PRR14L: variants seen among roughly 807,000 people sequenced by gnomAD.
The protein encoded by PRR14L is proline rich 14 like.
Under a neutral mutation model 155.0 loss-of-function variants are expected in PRR14L, and 80 were observed. The observed-to-expected ratio is 0.52, with a 90% CI of 0.43 to 0.62. The LOEUF is 0.62. Among genes scored for constraint, PRR14L ranks in the 20% least tolerant of loss-of-function variants. The pLI is 0.00. For synonymous variants in PRR14L, 883 were observed against 916.0 expected (o/e 0.96, Z 0.65); for missense variants, 2,469 against 2,548.0 (o/e 0.97, Z 0.67).
At chr22:31,727,021 G>T (rs929186992) in intron 2 of PRR14L, among the ~76,000 whole-genome samples, 2 of 152,108 alleles carry the variant, frequency 1.3e-5, no homozygotes, top group Non-Finnish European at 1.5e-5. Flanking sequence ...GACAGCACAG[G>T]CCAGTGACAT....
chr22:31,737,031 C>CAAAAAA (rs10589286), intron 2 of PRR14L, among the ~76,000 whole-genome samples: 3 of 49,840 alleles, frequency 6.0e-5, no homozygotes, highest in African/African-American at 2.5e-4. Flanking sequence ...GTGAGAGACT[C>CAAAAAA]AAAAAAAAAA....
intron 2 of PRR14L, among the ~76,000 whole-genome samples, chr22:31,728,140 G>C (rs2074727907): frequency 6.6e-6 from 1 of 152,050 alleles, no homozygotes; most frequent in Admixed American, 6.6e-5. Flanking sequence ...TATGGATGAG[G>C]GCAACAGAAC....
intron 1 of PRR14L, among the ~76,000 whole-genome samples, chr22:31,740,806 T>C (rs1179942725): frequency 6.6e-6 from 1 of 152,154 alleles, no homozygotes; most frequent in African/African-American, 2.4e-5. Flanking sequence ...TGCTGTTCCA[T>C]GATGTTTAGG....
At chr22:31,699,251 T>G (rs915467771) in intron 7 of PRR14L, among the ~76,000 whole-genome samples, 2 of 152,174 alleles carry the variant, frequency 1.3e-5, no homozygotes, top group African/African-American at 4.8e-5. Flanking sequence ...TTGGCCAGGC[T>G]GGTCTCAAAC....
chr22:31,731,943 C>A (rs2074752509), intron 2 of PRR14L, among the ~76,000 whole-genome samples: 1 of 152,140 alleles, frequency 6.6e-6, no homozygotes. Flanking sequence ...GCTTTGGGCC[C>A]ATCTCACATC....
At position 31,714,644 on chromosome 22, in the gene PRR14L, T is replaced by A. The variant is rs1470424527; in HGVS notation, c.3195A>T (p.Ala1065=). The A allele has an allele frequency of 6.4e-7, 1 of 1,552,184 alleles. No homozygotes were observed. Among genetic ancestry groups the A allele is most frequent in the Admixed American group, 2.0e-5 (1 of 51,010 alleles). ...IVYTDCSNKL[A]EGVLDVKASN... ...ATGCCTTCACGTCCAGCACACCTTCTGCAAGCTTATTACTACAGTCCGTGT... is the reference window on the plus strand; with the variant it reads ...ATGCCTTCACGTCCAGCACACCTTCAGCAAGCTTATTACTACAGTCCGTGT... Residue 1065 remains alanine, a synonymous_variant, in exon 4 of 9, where the codon GCA becomes GCT. Transcript: ENST00000327423.
chr22:31,701,894 A>C, intron 6 of PRR14L, 132 bp from the exon 7 acceptor site: 1 of 640,400 alleles, frequency 1.6e-6, no homozygotes. Context: ...TGCAGCCTTG[A>C]ATTCCTGGAC....
In PRR14L at chr22:31,716,029, C is replaced by G. The variant is rs2074657169; in HGVS notation, c.1810G>C (p.Asp604His). The G allele has an allele frequency of 3.9e-6, 6 of 1,550,694 alleles. No individual in the cohort carries two copies. The highest frequency in any genetic ancestry group is 1.2e-5 in the South Asian group (1 of 84,036). The change falls in exon 4 of 9, where the codon GAT (aspartate) becomes CAT (histidine). Residue 604 changes from aspartate (D) to histidine (H), a missense_variant. Around this residue, in one of 2 missense-constraint regions of PRR14L, gnomAD observed 2,363 missense variants for 2,371.6 expected, o/e 1.00. Transcript: ENST00000327423. ...ACTTTTTCTGACTCAGGTCTGTAAT[C>G]AAATTCTGGGGATGGTAGCAACAGA... is the stretch of plus-strand genomic sequence containing the variant. ...TALLLPSPEFDYRPESEKVIQ... is the reference protein window; with the variant it reads ...TALLLPSPEFHYRPESEKVIQ...
intron 5 of PRR14L, 45 bp downstream of exon 5, chr22:31,704,610 C>T: frequency 6.6e-7 from 1 of 1,524,524 alleles, no homozygotes. Context: ...CTCTTGCACA[C>T]ACACACGCAC....
In PRR14L at chr22:31,713,948, T is replaced by A. The variant is rs2074638865; in HGVS notation, c.3891A>T (p.Arg1297Ser). Residue 1297 changes from arginine (R) to serine (S), a missense_variant, in exon 4 of 9, where the codon AGA becomes AGT. By Grantham distance (110) the Arg-to-Ser change is moderately radical. Coordinates refer to ENST00000327423, the MANE Select transcript of PRR14L (RefSeq NM_173566.3). Reference protein sequence around the residue: ...VSRDWSNSSDRDSVCTCVEKN... With the variant: ...VSRDWSNSSDSDSVCTCVEKN... ...TTTCCACACAGGTACATACGCTGTC[T>A]CTGTCACTAGAATTACTCCAATCTC... 6.4e-7 allele frequency: 1 copy of A among 1,551,556 alleles called. No individual in the cohort carries two copies. Among genetic ancestry groups the A allele is most frequent in the Non-Finnish European group, 8.7e-7 (1 of 1,146,880 alleles).
At position 31,696,435 on chromosome 22, in the gene PRR14L, C is replaced by T. The variant is rs1390278176; in HGVS notation, c.6107+5221G>A. Among the ~76,000 whole-genome samples, 13 of 151,992 alleles carry T rather than the reference C, an allele frequency of 8.6e-5. No individual in the cohort carries two copies. In the South Asian group the frequency reaches 2.5e-3, roughly 29 times the overall value. On this transcript the variant is annotated intron_variant, in intron 7 of 8. Coordinates refer to ENST00000327423, the MANE Select transcript of PRR14L (RefSeq NM_173566.3). ...ATTACAGGCATGAGCCAACGCGCCT[C>T]GCCTTATTATTAATTTTTGTAGAAA...
At position 31,685,625 on chromosome 22, in the gene PRR14L, G is replaced by C; in HGVS notation, c.6358C>G (p.Gln2120Glu). ...SFTRAQKAAV[Q>E]SRELDALLIQ... is the part of the protein sequence containing the mutation. ...AAAAGAGCATCCAGCTCTCGACTCT[G>C]CACAGCTGCCTTCTGGGCCCTGGTA... Residue 2120 changes from glutamine to glutamate, a missense_variant, in exon 9 of 9, where the codon CAG becomes GAG. Gln to Glu is a conservative substitution (Grantham distance 29, BLOSUM62 2). This residue lies in a region of PRR14L where 106 missense variants were observed against 176.4 expected (regional missense o/e 0.60). Coordinates refer to ENST00000327423, the MANE Select transcript of PRR14L (RefSeq NM_173566.3). 1 of 1,551,878 alleles carries C rather than the reference G, an allele frequency of 6.4e-7. No individual in the cohort carries two copies. Among genetic ancestry groups the C allele is most frequent in the Non-Finnish European group, 8.7e-7 (1 of 1,146,982 alleles).
At chr22:31,740,752 G>A (rs915185648) in intron 1 of PRR14L, among the ~76,000 whole-genome samples, 3 of 152,104 alleles carry the variant, frequency 2.0e-5, no homozygotes, top group Admixed American at 6.6e-5. Flanking sequence ...AGAGCGTAAC[G>A]TTATAATACT....
chr22:31,728,336 G>C (rs1256270371), intron 2 of PRR14L, among the ~76,000 whole-genome samples: 1 of 152,124 alleles, frequency 6.6e-6, no homozygotes, highest in Non-Finnish European at 1.5e-5. Flanking sequence ...CCTAGGGCCG[G>C]GGGCAGTGGC....
intron 3 of PRR14L, among the ~76,000 whole-genome samples, chr22:31,722,812 G>A (rs1453215601): frequency 6.6e-6 from 1 of 152,152 alleles, no homozygotes; most frequent in Non-Finnish European, 1.5e-5. Context: ...GATTACAGGT[G>A]TAAGCCACTG....
In PRR14L at chr22:31,738,483, C is replaced by T. The variant is rs1601517496; in HGVS notation, c.378G>A (p.Gly126=). 1 of 1,552,132 alleles carries T rather than the reference C, an allele frequency of 6.4e-7. No homozygotes were observed. The highest frequency in any genetic ancestry group is 1.2e-5 in the South Asian group (1 of 84,066). The change falls in exon 2 of 9, where the codon GGG becomes GGA. Residue 126 remains glycine, a synonymous_variant. Transcript: ENST00000327423. The part of the protein sequence containing the change: ...SMEPKVFRDP[G]GQAGIIREPS... ...GTTCTCTTATAATTCCTGCCTGGCCCCCTGGATCTCTGAAGACCTTTGGCT... is the reference window on the plus strand; with the variant it reads ...GTTCTCTTATAATTCCTGCCTGGCCTCCTGGATCTCTGAAGACCTTTGGCT...
At chr22:31,734,744 T>C (rs2074769322) in intron 2 of PRR14L, among the ~76,000 whole-genome samples, 1 of 151,952 alleles carries the variant, frequency 6.6e-6, no homozygotes, top group Admixed American at 6.5e-5. Flanking sequence ...GTTGTGTCAT[T>C]AGTGTGAATA....
Position 31,715,439 on chromosome 22 carries a change from CAT to C in PRR14L, c.2398_2399del (p.Met800ValfsTer17), listed in dbSNP as rs1328483101. ...RVRKNVSQENMCSASAAFKSS... is the reference protein window; with the variant it reads ...RVRKNVSQENXCSASAAFKSS... The stretch of plus-strand genomic sequence containing the variant: ...ACTTGAAAGCAGCAGAAGCAGAACA[CAT>C]GTTTTCCTGGGATACATTTTTTCTT... On this transcript the variant is annotated frameshift_variant, in exon 4 of 9. Coordinates refer to ENST00000327423, the MANE Select transcript of PRR14L (RefSeq NM_173566.3). LOFTEE classifies it high-confidence loss of function. The C allele has an allele frequency of 1.3e-6, 2 of 1,552,240 alleles. No individual in the cohort carries two copies. Among genetic ancestry groups the C allele is most frequent in the Non-Finnish European group, 1.7e-6 (2 of 1,147,142 alleles).
At chr22:31,693,263 C>G (rs1382472812) in intron 7 of PRR14L, among the ~76,000 whole-genome samples, 12 of 152,176 alleles carry the variant, frequency 7.9e-5, no homozygotes, top group Admixed American at 6.6e-4. Flanking sequence ...CTTCCTTCCC[C>G]TCAACACTTG....
Sources: allele counts gnomAD v4.1 joint callset (sites outside exome capture counted in the v4.1 genomes callset), GRCh38; gene constraint gnomAD v4.1.1; regional missense constraint gnomAD v4.1.1; transcripts MANE v1.5; gene names NCBI Gene and HGNC (gene_info 2026-07-23, HGNC 2026-07-21).